Variants in B4GALT6 observed in about 807,000 individuals in gnomAD.
B4GALT6 encodes beta-1,4-galactosyltransferase 6.
B4GALT6 carries 14 observed loss-of-function variants against 46.3 expected under a neutral mutation model. That is an observed-to-expected ratio of 0.30 (90% CI 0.20 to 0.47). The LOEUF is 0.47. B4GALT6 is among the 20% of genes least tolerant of loss of function. The pLI, the probability that B4GALT6 is intolerant of heterozygous loss-of-function variation, is 0.99. For synonymous variants in B4GALT6, 168 were observed against 162.0 expected, an observed-to-expected ratio of 1.04 and a Z score of -0.28; for missense variants, 386 against 480.1, an observed-to-expected ratio of 0.80 and a Z score of 1.83.
intron 6 of B4GALT6, among the ~76,000 whole-genome samples, chr18:31,628,011 G>A (rs941203218): frequency 2.0e-5 from 3 of 152,228 alleles, no homozygotes; most frequent in Non-Finnish European, 4.4e-5. Context: ...CTGTCTCAGA[G>A]GAGGGAACTT....
chr18:31,686,984 T>G (rs911726286), upstream of B4GALT6, among the ~76,000 whole-genome samples: 1 of 152,338 alleles, frequency 6.6e-6, no homozygotes, highest in Non-Finnish European at 1.5e-5. Flanking sequence ...GTAGTAACAT[T>G]ATAGAATTTG....
chr18:31,660,354 T>C (rs1430745243), intron 2 of B4GALT6, among the ~76,000 whole-genome samples: 3 of 152,146 alleles, frequency 2.0e-5, no homozygotes, highest in Non-Finnish European at 1.5e-5. Context: ...GACTCCTACC[T>C]TGCTAGTGGT....
chr18:31,664,443 A>T (rs1172493965), intron 2 of B4GALT6, among the ~76,000 whole-genome samples: 1 of 152,230 alleles, frequency 6.6e-6, no homozygotes, highest in Non-Finnish European at 1.5e-5. Context: ...AAGTTTCATA[A>T]AAGTAAGCAA....
In B4GALT6 at chr18:31,625,421, T is replaced by C; in HGVS notation, c.*193A>G. ...GTTTCTGCGGTGCTCGCCACAGGGGTGTGTCTCAGAGCAGGGAGGACGGGT... is the reference window on the plus strand; with the variant it reads ...GTTTCTGCGGTGCTCGCCACAGGGGCGTGTCTCAGAGCAGGGAGGACGGGT... On this transcript the variant is annotated 3_prime_UTR_variant, in exon 9 of 9. Transcript: ENST00000306851. 1 of 524,186 alleles carries C rather than the reference T, an allele frequency of 1.9e-6. No individual in the cohort carries two copies. 32.5% of individuals were successfully genotyped at this position (524,186 alleles called of 1,614,324 possible).
chr18:31,663,193 C>T (rs1022135988), intron 2 of B4GALT6, among the ~76,000 whole-genome samples: 1 of 152,174 alleles, frequency 6.6e-6, no homozygotes, highest in Non-Finnish European at 1.5e-5. Flanking sequence ...CAAAGAACAC[C>T]TTTTAATGGC....
In B4GALT6 at chr18:31,625,353, G is replaced by C. The variant is rs571709348; in HGVS notation, c.*261C>G. On this transcript the variant is annotated 3_prime_UTR_variant, in exon 9 of 9. Coordinates refer to ENST00000306851, the MANE Select transcript of B4GALT6 (RefSeq NM_004775.5). ...ATTTTAGTATAAAAATTTTCTCTTC[G>C]GAGGGAGCTCTCTTAACTTCCGATC... The C allele has an allele frequency of 2.7e-6, 1 of 366,912 alleles. No individual in the cohort carries two copies. The highest frequency in any genetic ancestry group is 4.7e-5 in the Admixed American group (1 of 21,198). The allele number at this position is 366,912 out of a possible 1,614,324, so 22.7% of individuals were successfully genotyped here. A position where few individuals can be genotyped will look rare whatever the true frequency, so the allele number is the denominator to read the frequency against.
chr18:31,634,966 G>A (rs1275662975), intron 5 of B4GALT6, among the ~76,000 whole-genome samples: 1 of 152,138 alleles, frequency 6.6e-6, no homozygotes, highest in Non-Finnish European at 1.5e-5. Context: ...ACAGAGACAG[G>A]CTGCAGTGAC....
the B4GALT6 span, among the ~76,000 whole-genome samples, chr18:31,696,984 A>G: frequency 2.0e-5 from 3 of 152,182 alleles, no homozygotes; most frequent in African/African-American, 7.2e-5. Context: ...AGAGCCAGCT[A>G]GGCCAGGCGC....
the B4GALT6 span, among the ~76,000 whole-genome samples, chr18:31,699,990 CA>C: frequency 6.6e-6 from 1 of 152,044 alleles, no homozygotes; most frequent in Non-Finnish European, 1.5e-5. Flanking sequence ...CCAGCAAAAT[CA>C]GATAGTGGGA....
intron 1 of B4GALT6, among the ~76,000 whole-genome samples, chr18:31,675,444 T>C (rs2074404754): frequency 6.6e-6 from 1 of 152,202 alleles, no homozygotes; most frequent in African/African-American, 2.4e-5. Context: ...AACAACCAGA[T>C]CATTAGTTCA....
At chr18:31,698,570 G>A in the B4GALT6 span, among the ~76,000 whole-genome samples, 1 of 151,938 alleles carries the variant, frequency 6.6e-6, no homozygotes, top group Non-Finnish European at 1.5e-5. Context: ...GTTGGAGATT[G>A]CAGTGAGCCA....
In B4GALT6 at chr18:31,658,016, G is replaced by C; in HGVS notation, c.306C>G (p.Tyr102Ter). The change falls in exon 3 of 9, where the codon TAC becomes TAG. Residue 102 changes from tyrosine (Y) to a stop codon, truncating the protein, a stop_gained. Coordinates refer to ENST00000306851, the MANE Select transcript of B4GALT6 (RefSeq NM_004775.5). LOFTEE classifies it high-confidence loss of function. ...TTTYLPENFTYSPYLPCPEKL... is the reference protein window; with the variant it reads ...TTTYLPENFT ...TTTCTGGACAGGGGAGGTATGGTGA[G>C]TATGTGAAGTTTTCCGGGAGATACG... is the stretch of plus-strand genomic sequence containing the variant. 1 of 1,612,960 alleles carries C rather than the reference G, an allele frequency of 6.2e-7. No homozygotes were observed. The highest frequency in any genetic ancestry group is 8.5e-7 in the Non-Finnish European group (1 of 1,179,534).
chr18:31,625,794 C>G (rs780769858), intron 8 of B4GALT6, 33 bp from the exon 9 acceptor site: 22 of 1,541,692 alleles, frequency 1.4e-5, no homozygotes, highest in Non-Finnish European at 1.5e-5. Context: ...AAAAAAGCAA[C>G]AAAACATGTT....
At chr18:31,633,064 A>G (rs1374625401) in intron 5 of B4GALT6, among the ~76,000 whole-genome samples, 1 of 152,182 alleles carries the variant, frequency 6.6e-6, no homozygotes, top group African/African-American at 2.4e-5. Context: ...CTTTTAGCCA[A>G]TTAAGGACTG....
chr18:31,712,511 C>T, the B4GALT6 span, among the ~76,000 whole-genome samples: 5 of 151,930 alleles, frequency 3.3e-5, no homozygotes, highest in Non-Finnish European at 7.4e-5. Context: ...CTTTGTTGGC[C>T]AGGCTGGTCT....
chr18:31,642,284 C>T (rs1280274705), intron 4 of B4GALT6, among the ~76,000 whole-genome samples: 11 of 152,112 alleles, frequency 7.2e-5, no homozygotes, highest in Non-Finnish European at 2.9e-5. Context: ...CTCAAGTGAT[C>T]CTTCTGCCAC....
the B4GALT6 span, among the ~76,000 whole-genome samples, chr18:31,709,230 A>AT: frequency 5.8e-3 from 837 of 145,160 alleles, 9 homozygotes; most frequent in African/African-American, 0.016. Context: ...AAATTTATGT[A>AT]TTTTTTTTTT....
At chr18:31,710,460 C>A in the B4GALT6 span, among the ~76,000 whole-genome samples, 1 of 152,074 alleles carries the variant, frequency 6.6e-6, no homozygotes, top group African/African-American at 2.4e-5. Flanking sequence ...TTTAGAGTAG[C>A]CCTAAATCCA....
chr18:31,630,114 G>T (rs1484963170), intron 6 of B4GALT6, among the ~76,000 whole-genome samples: 1 of 149,698 alleles, frequency 6.7e-6, no homozygotes, highest in Non-Finnish European at 1.5e-5. Flanking sequence ...AGCGGGAGTG[G>T]GGAGGAGGAG....
Sources: allele counts gnomAD v4.1 joint callset (sites outside exome capture counted in the v4.1 genomes callset), GRCh38; gene constraint gnomAD v4.1.1; transcripts MANE v1.5; gene names NCBI Gene and HGNC (gene_info 2026-07-23, HGNC 2026-07-21).